Variants in CAST observed in about 807,000 individuals in gnomAD.
The protein encoded by CAST is calpastatin.
Under a neutral mutation model 119.6 loss-of-function variants are expected in CAST, and 76 were observed. The ratio of observed to expected loss-of-function variants is 0.64; its 90% confidence interval spans 0.53 to 0.77. The LOEUF (loss-of-function observed/expected upper bound fraction) is 0.77. Ranked by LOEUF, CAST falls within the 30% of genes least tolerant of loss-of-function variation. CAST has a pLI of 0.00. For missense variants in CAST, 953 were observed against 946.5 expected (o/e 1.01, Z -0.09); for synonymous variants, 319 against 331.6 (o/e 0.96, Z 0.41).
At chr5:96,165,832 C>T in the CAST span, among the ~76,000 whole-genome samples, 17 of 152,206 alleles carry the variant, frequency 1.1e-4, no homozygotes, top group Non-Finnish European at 1.9e-4. Context: ...ACTTCTTTGC[C>T]GAACTAGAAA....
intron 1 of CAST, among the ~76,000 whole-genome samples, chr5:96,628,370 A>C (rs1284422092): frequency 6.6e-6 from 1 of 152,256 alleles, no homozygotes; most frequent in African/African-American, 2.4e-5. Context: ...TTCTATAAAC[A>C]CACAGCATTC....
chr5:96,112,260 C>T, the CAST span, among the ~76,000 whole-genome samples: 1 of 152,034 alleles, frequency 6.6e-6, no homozygotes, highest in East Asian at 1.9e-4. Flanking sequence ...TTCAGGACTC[C>T]ATTTTGTCCC....
chr5:96,068,506 A>G, the CAST span, among the ~76,000 whole-genome samples: 1 of 151,518 alleles, frequency 6.6e-6, no homozygotes. Context: ...GCAGTTACTA[A>G]ACATCTGATA....
chr5:96,296,417 AATGTAAATCTTCAGCTTAT>A, the CAST span, among the ~76,000 whole-genome samples: 12 of 152,328 alleles, frequency 7.9e-5, no homozygotes, highest in African/African-American at 2.9e-4. Context: ...ATTACTTTCT[AATGTAAATCTTCAGCTTAT>A]ATGTATTAAA....
intron 10 of CAST, among the ~76,000 whole-genome samples, chr5:96,736,661 G>A (rs1279454087): frequency 6.7e-6 from 1 of 149,994 alleles, no homozygotes; most frequent in Admixed American, 6.7e-5. Flanking sequence ...AATTGTCATG[G>A]GAATATGGTA....
the CAST span, chr5:96,213,860 C>T: frequency 2.6e-5 from 4 of 152,142 alleles, no homozygotes; most frequent in Non-Finnish European, 5.9e-5. Context: ...TCCTCCCATC[C>T]CCTTCCCAAG....
chr5:96,769,101 G>A (rs757883450), intron 29 of CAST: 4 of 152,206 alleles, frequency 2.6e-5, no homozygotes, highest in South Asian at 2.1e-4. Flanking sequence ...AGAAGGAAAC[G>A]TGAAATGAGT....
At chr5:96,094,718 A>T in the CAST span, among the ~76,000 whole-genome samples, 3 of 152,112 alleles carry the variant, frequency 2.0e-5, no homozygotes, top group Non-Finnish European at 4.4e-5. Context: ...ACTTTTCCTC[A>T]CTCTACTGTG....
intron 1 of CAST, among the ~76,000 whole-genome samples, chr5:96,630,028 G>C (rs1371968546): frequency 1.3e-5 from 2 of 152,174 alleles, no homozygotes; most frequent in African/African-American, 2.4e-5. Flanking sequence ...ACCTGAGAAG[G>C]CTTGAGATAT....
intron 1 of CAST, among the ~76,000 whole-genome samples, chr5:96,654,897 ATG>A (rs1315109189): frequency 6.6e-6 from 1 of 152,230 alleles, no homozygotes; most frequent in East Asian, 1.9e-4. Flanking sequence ...ATTGTATACT[ATG>A]TGTTTATTGC....
the CAST span, chr5:96,393,462 C>T: frequency 2.3e-5 from 34 of 1,479,540 alleles, no homozygotes; most frequent in African/African-American, 9.7e-5. Context: ...ACCACAGGAA[C>T]GCTGCCTGCC....
the CAST span, among the ~76,000 whole-genome samples, chr5:96,341,198 G>A: frequency 1.3e-5 from 2 of 152,116 alleles, no homozygotes; most frequent in African/African-American, 2.4e-5. Context: ...GGAGAGTTGT[G>A]TCTTCTTATT....
intron 1 of CAST, among the ~76,000 whole-genome samples, chr5:96,550,826 T>C (rs6873567): frequency 0.024 from 3,679 of 152,242 alleles, 155 homozygotes; most frequent in African/African-American, 0.084. Flanking sequence ...AGTGATTGAA[T>C]ATCAAGTTAA....
At chr5:96,558,577 C>T (rs1746293467) in intron 1 of CAST, among the ~76,000 whole-genome samples, 1 of 152,164 alleles carries the variant, frequency 6.6e-6, no homozygotes, top group Non-Finnish European at 1.5e-5. Flanking sequence ...ATACTATAAA[C>T]ACCTCTACAC....
chr5:96,554,825 G>C (rs1746202545), intron 1 of CAST, among the ~76,000 whole-genome samples: 1 of 152,194 alleles, frequency 6.6e-6, no homozygotes, highest in Non-Finnish European at 1.5e-5. Flanking sequence ...CTGGTCATTA[G>C]AAAAATGCAA....
At chr5:96,385,593 T>C in the CAST span, among the ~76,000 whole-genome samples, 2 of 152,202 alleles carry the variant, frequency 1.3e-5, no homozygotes, top group African/African-American at 4.8e-5. Flanking sequence ...TGTGAAAATA[T>C]AGAAAGTGTA....
At chr5:96,452,343 G>A in the CAST span, among the ~76,000 whole-genome samples, 4 of 152,082 alleles carry the variant, frequency 2.6e-5, no homozygotes, top group Non-Finnish European at 4.4e-5. Flanking sequence ...CCTTTTTCAC[G>A]GACATGGATG....
the CAST span, chr5:96,410,878 T>A: frequency 1.2e-6 from 2 of 1,614,080 alleles, no homozygotes; most frequent in Non-Finnish European, 1.7e-6. Context: ...GCACTGCTGA[T>A]GGAGATGGTG....
rs200712316 is a variant in CAST at position 96,750,600 on chromosome 5, C to T, written c.1442C>T (p.Ala481Val). 9.3e-6 allele frequency: 15 copies of T among 1,612,334 alleles called. No homozygotes were observed. The South Asian group carries it at 1.2e-4, about 13-fold the overall frequency. ...GTCTTTCCTCAGGAATCTAAGGCCG[C>T]TGCTCCAGCTCCTGTGTCGGAGGCT... ...PTEKTEESKA[A>V]APAPVSEAVC... Residue 481 changes from alanine (A) to valine (V), a missense_variant, in exon 20 of 32, where the codon GCT becomes GTT. Physicochemically the swap from Ala to Val is moderately conservative, Grantham distance 64. Coordinates refer to ENST00000675179, the MANE Select transcript of CAST (RefSeq NM_001750.7).
Sources: gnomAD v4.1 joint callset for allele counts (sites outside exome capture counted in the v4.1 genomes callset) on GRCh38, gnomAD v4.1.1 for gene constraint, MANE v1.5 for transcripts, NCBI Gene and HGNC (gene_info 2026-07-23, HGNC 2026-07-21) for gene names.